Variants in NALCN observed in about 807,000 individuals in gnomAD.
The protein encoded by NALCN is sodium leak channel NALCN.
NALCN carries 111 observed loss-of-function variants against 225.3 expected under a neutral mutation model. That is an observed-to-expected ratio of 0.49 (90% CI 0.42 to 0.58). The LOEUF (loss-of-function observed/expected upper bound fraction) is 0.58, where lower values mean the gene tolerates loss of function less well. Ranked by LOEUF, NALCN falls within the 20% of genes least tolerant of loss-of-function variation. The pLI is 0.00. For synonymous variants in NALCN, 764 were observed against 769.0 expected, an observed-to-expected ratio of 0.99 and a Z score of 0.11; for missense variants, 1,378 against 2,202.4, an observed-to-expected ratio of 0.63 and a Z score of 7.49.
At chr13:101,395,569 C>T (rs2047268087) in intron 2 of NALCN, among the ~76,000 whole-genome samples, 1 of 152,146 alleles carries the variant, frequency 6.6e-6, no homozygotes, top group Non-Finnish European at 1.5e-5. Context: ...CTCAAGGCAC[C>T]TATTTTCCAC....
At chr13:101,268,047 C>T (rs941764996) in intron 10 of NALCN, among the ~76,000 whole-genome samples, 28 of 152,166 alleles carry the variant, frequency 1.8e-4, no homozygotes, top group African/African-American at 6.3e-4. Context: ...TGTGCCTTCT[C>T]GAAAGTCTCC....
chr13:101,096,877 T>C (rs1388023715), intron 27 of NALCN, among the ~76,000 whole-genome samples: 3 of 152,330 alleles, frequency 2.0e-5, no homozygotes, highest in Admixed American at 2.0e-4. Flanking sequence ...GTTCAAGGTG[T>C]AGATGGTAAA....
chr13:101,133,221 T>A (rs1471051196), intron 17 of NALCN, among the ~76,000 whole-genome samples: 1 of 152,206 alleles, frequency 6.6e-6, no homozygotes, highest in Non-Finnish European at 1.5e-5. Flanking sequence ...AATGAAGCCA[T>A]CAATATTTAT....
intron 12 of NALCN, among the ~76,000 whole-genome samples, chr13:101,236,794 T>C (rs2041572873): frequency 1.3e-5 from 2 of 148,666 alleles, no homozygotes; most frequent in Non-Finnish European, 3.0e-5. Context: ...GGGATAGCTT[T>C]AGGAGATATA....
intron 22 of NALCN, among the ~76,000 whole-genome samples, chr13:101,106,531 T>C (rs1159938151): frequency 1.3e-5 from 2 of 152,182 alleles, no homozygotes; most frequent in East Asian, 3.9e-4. Flanking sequence ...AGGGTTTGGC[T>C]CTGCGTCCCT....
chr13:101,185,268 G>C (rs2039403152), intron 14 of NALCN, among the ~76,000 whole-genome samples: 1 of 152,234 alleles, frequency 6.6e-6, no homozygotes, highest in African/African-American at 2.4e-5. Context: ...ATGCCCATTT[G>C]TGTCAGCAAA....
chr13:101,164,172 T>C (rs1178555606), intron 15 of NALCN, among the ~76,000 whole-genome samples: 1 of 152,208 alleles, frequency 6.6e-6, no homozygotes, highest in African/African-American at 2.4e-5. Flanking sequence ...AGGGACAGAA[T>C]TCCACTCATA....
At chr13:101,082,364 G>T (rs946158610) in intron 33 of NALCN, among the ~76,000 whole-genome samples, 2 of 152,100 alleles carry the variant, frequency 1.3e-5, no homozygotes, top group Non-Finnish European at 2.9e-5. Flanking sequence ...AAAGGCCATA[G>T]ATTTTGGGAA....
Position 101,093,072 on chromosome 13 carries a change from T to G in NALCN, c.3269+2502A>C, listed in dbSNP as rs114948687. Among the ~76,000 whole-genome samples the G allele has an allele frequency of 4.8e-3, 729 of 152,210 alleles. 7 individuals carry two copies. Among genetic ancestry groups the G allele is most frequent in the African/African-American group, 0.016 (681 of 41,546 alleles). ...TACATTTATTATAAGCCTGAATACT[T>G]TGTTAGTTTTTCTCCCATGCATGCC... On this transcript the variant is annotated intron_variant, in intron 28 of 43. Coordinates refer to ENST00000251127, the MANE Select transcript of NALCN (RefSeq NM_052867.4).
At chr13:101,139,226 C>T (rs1247910497) in intron 17 of NALCN, among the ~76,000 whole-genome samples, 2 of 152,180 alleles carry the variant, frequency 1.3e-5, no homozygotes, top group Non-Finnish European at 2.9e-5. Flanking sequence ...AATTACTCAT[C>T]CCTGTTCAAA....
At chr13:101,184,947 C>T (rs1189467963) in intron 14 of NALCN, among the ~76,000 whole-genome samples, 1 of 151,628 alleles carries the variant, frequency 6.6e-6, no homozygotes, top group Non-Finnish European at 1.5e-5. Flanking sequence ...GAAATTTCAC[C>T]TTTAATCTTA....
At chr13:101,156,421 T>C (rs1233742551) in intron 15 of NALCN, among the ~76,000 whole-genome samples, 1 of 152,170 alleles carries the variant, frequency 6.6e-6, no homozygotes, top group African/African-American at 2.4e-5. Context: ...AGCGGGGAAA[T>C]ACATGTATGT....
chr13:101,195,471 A>G (rs964715199), intron 13 of NALCN, among the ~76,000 whole-genome samples: 2 of 152,158 alleles, frequency 1.3e-5, no homozygotes, highest in African/African-American at 4.8e-5. Flanking sequence ...TTAGACATAA[A>G]TTTACCCATG....
chr13:101,253,790 A>G (rs2042131809), intron 11 of NALCN, among the ~76,000 whole-genome samples: 1 of 152,200 alleles, frequency 6.6e-6, no homozygotes, highest in Admixed American at 6.5e-5. Context: ...CTTTTGTACA[A>G]TTTCAGAGTT....
intron 37 of NALCN, among the ~76,000 whole-genome samples, chr13:101,072,691 G>T (rs768989875): frequency 4.6e-5 from 7 of 152,304 alleles, no homozygotes; most frequent in Non-Finnish European, 8.8e-5. Context: ...GAAAGACATA[G>T]GCGGCCCTAT....
At chr13:101,392,622 T>C (rs2047178126) in intron 3 of NALCN, among the ~76,000 whole-genome samples, 1 of 152,282 alleles carries the variant, frequency 6.6e-6, no homozygotes, top group South Asian at 2.1e-4. Context: ...CTACCTCTAC[T>C]AGTATTTAAA....
At chr13:101,179,123 CT>C (rs2039085340) in intron 14 of NALCN, among the ~76,000 whole-genome samples, 1 of 152,130 alleles carries the variant, frequency 6.6e-6, no homozygotes, top group Non-Finnish European at 1.5e-5. Context: ...CAATATTGCA[CT>C]CACTGCAGTG....
intron 6 of NALCN, among the ~76,000 whole-genome samples, chr13:101,347,242 CCTAAG>C (rs750455417): frequency 2.6e-5 from 4 of 151,934 alleles, no homozygotes; most frequent in Non-Finnish European, 5.9e-5. Flanking sequence ...ATTCAAACAC[CCTAAG>C]CTATTCCTTT....
At chr13:101,370,246 G>A (rs896185878) in intron 6 of NALCN, among the ~76,000 whole-genome samples, 4 of 151,962 alleles carry the variant, frequency 2.6e-5, no homozygotes, top group Non-Finnish European at 5.9e-5. Flanking sequence ...CCTGGTTGTG[G>A]CAAGATGGAC....
Sources: gnomAD v4.1 joint callset for allele counts (sites outside exome capture counted in the v4.1 genomes callset) on GRCh38, gnomAD v4.1.1 for gene constraint, MANE v1.5 for transcripts, NCBI Gene and HGNC (gene_info 2026-07-23, HGNC 2026-07-21) for gene names.